PMPCB: variants seen among roughly 807,000 people sequenced by gnomAD.
PMPCB encodes peptidase, mitochondrial processing subunit beta.
PMPCB carries 46 observed loss-of-function variants against 61.5 expected under a neutral mutation model. The observed-to-expected ratio is 0.75, with a 90% CI of 0.59 to 0.96. PMPCB has a LOEUF of 0.96. PMPCB is among the 40% of genes least tolerant of loss of function. The pLI is 0.00. For synonymous variants in PMPCB, 191 were observed against 201.6 expected (o/e 0.95, Z 0.44); for missense variants, 590 against 602.4 (o/e 0.98, Z 0.22).
At chr7:103,303,157 C>T (rs1237336033) in intron 4 of PMPCB, among the ~76,000 whole-genome samples, 1 of 152,180 alleles carries the variant, frequency 6.6e-6, no homozygotes, top group African/African-American at 2.4e-5. Context: ...TTCTCTGTTG[C>T]CCAGGCGAGA....
chr7:103,312,303 G>A lies in PMPCB; in HGVS notation c.*32G>A. 1 of 1,605,310 alleles carries A rather than the reference G, an allele frequency of 6.2e-7. No individual in the cohort carries two copies. The highest frequency in any genetic ancestry group is 8.5e-7 in the Non-Finnish European group (1 of 1,179,602). The stretch of plus-strand genomic sequence containing the variant: ...CCTAATCAAGATTGTTTGAACACAT[G>A]TATTTATAAAACAGAGCTAGAGAAA... On this transcript the variant is annotated 3_prime_UTR_variant, in exon 13 of 13. Coordinates refer to ENST00000249269, the MANE Select transcript of PMPCB (RefSeq NM_004279.3).
the PMPCB span, chr7:103,344,205 T>A: frequency 3.4e-6 from 1 of 295,850 alleles, no homozygotes; most frequent in African/African-American, 2.2e-5. Flanking sequence ...CCCAGGCACG[T>A]GGGGTGCTCG....
chr7:103,324,625 CAATT>C (rs1487210909), intron 12 of PMPCB: 1 of 1,263,588 alleles, frequency 7.9e-7, no homozygotes, highest in Non-Finnish European at 1.1e-6. Flanking sequence ...GTTCAACAAA[CAATT>C]TAATTTATTA....
At chr7:103,324,096 G>A (rs1818571999) in intron 12 of PMPCB, among the ~76,000 whole-genome samples, 1 of 152,122 alleles carries the variant, frequency 6.6e-6, no homozygotes, top group African/African-American at 2.4e-5. Flanking sequence ...CTAGACATTT[G>A]ATGAGAAAAT....
At position 103,313,761 on chromosome 7, in the gene PMPCB, T is replaced by C; in HGVS notation, c.*1490T>C. On this transcript the variant is annotated 3_prime_UTR_variant, in exon 13 of 13. Transcript: ENST00000249269. Reference sequence around the variant, plus strand: ...AACCTTGTATATTTCAGAAAACATCTAAGATGTGTGTCAGAAACAAATATG... The same window carrying C: ...AACCTTGTATATTTCAGAAAACATCCAAGATGTGTGTCAGAAACAAATATG... 1.0e-6 allele frequency: 1 copy of C among 985,092 alleles called. No individual in the cohort carries two copies. 61.0% of individuals were successfully genotyped at this position (985,092 alleles called of 1,614,324 possible).
intron 12 of PMPCB, among the ~76,000 whole-genome samples, chr7:103,320,193 A>G (rs1364121048): frequency 2.6e-5 from 4 of 152,006 alleles, no homozygotes; most frequent in South Asian, 2.1e-4. Context: ...GGTTCAAGCT[A>G]TTCTTCTGCC....
the PMPCB span, among the ~76,000 whole-genome samples, chr7:103,338,272 T>C: frequency 6.6e-6 from 1 of 150,662 alleles, no homozygotes; most frequent in East Asian, 2.0e-4. Context: ...CCTGTCTTTT[T>C]TTTTTTTTTT....
intron 12 of PMPCB, chr7:103,324,466 C>G: frequency 1.4e-6 from 2 of 1,466,072 alleles, no homozygotes; most frequent in South Asian, 1.3e-5. Flanking sequence ...ATCATACAAA[C>G]AGTATATTCA....
At chr7:103,297,933 G>A in intron 1 of PMPCB, 2 of 1,259,842 alleles carry the variant, frequency 1.6e-6, no homozygotes, top group Non-Finnish European at 2.0e-6. Flanking sequence ...TGGGCTTCCC[G>A]CGAACCTGGA....
At position 103,312,317 on chromosome 7, in the gene PMPCB, G is replaced by A. The variant is rs773578676; in HGVS notation, c.*46G>A. On this transcript the variant is annotated 3_prime_UTR_variant, in exon 13 of 13. Transcript: ENST00000249269. ...TTTGAACACATGTATTTATAAAACA[G>A]AGCTAGAGAAAAATAAAAATGAACA... 1.9e-6 allele frequency: 3 copies of A among 1,599,744 alleles called. No individual in the cohort carries two copies. The highest frequency in any genetic ancestry group is 3.4e-5 in the Admixed American group (2 of 59,108).
At chr7:103,297,828 A>G (rs1341907645) in intron 1 of PMPCB, 2 of 1,513,396 alleles carry the variant, frequency 1.3e-6, no homozygotes, top group East Asian at 2.6e-5. Flanking sequence ...TTGACCACTA[A>G]AAACGTAGTG....
chr7:103,342,148 A>T, the PMPCB span, among the ~76,000 whole-genome samples: 1 of 152,224 alleles, frequency 6.6e-6, no homozygotes, highest in Non-Finnish European at 1.5e-5. Flanking sequence ...TCCTAGTATT[A>T]AAGAGTATTT....
At chr7:103,326,713 A>C in intron 12 of PMPCB, 3 of 1,574,072 alleles carry the variant, frequency 1.9e-6, no homozygotes, top group Non-Finnish European at 2.6e-6. Context: ...AGATCACATC[A>C]CCATAACTTT....
At chr7:103,319,584 T>C (rs1230672632), downstream of PMPCB, 4 of 1,609,468 alleles carry the variant, frequency 2.5e-6, no homozygotes, top group Admixed American at 6.7e-5. Context: ...TACATATAGG[T>C]AGGAGTGATG....
At chr7:103,302,538 T>A (rs1817477943) in intron 4 of PMPCB, among the ~76,000 whole-genome samples, 1 of 152,238 alleles carries the variant, frequency 6.6e-6, no homozygotes. Flanking sequence ...TCACCCATTT[T>A]ACTGGACTCT....
At chr7:103,302,426 C>T (rs1249257357) in intron 4 of PMPCB, among the ~76,000 whole-genome samples, 1 of 152,146 alleles carries the variant, frequency 6.6e-6, no homozygotes, top group Admixed American at 6.5e-5. Flanking sequence ...TAGGAGCCCC[C>T]CTCCCTGCCT....
chr7:103,327,082 C>G (rs994081756), intron 12 of PMPCB, among the ~76,000 whole-genome samples: 1 of 152,060 alleles, frequency 6.6e-6, no homozygotes, highest in African/African-American at 2.4e-5. Flanking sequence ...TACAACTGTT[C>G]AAAAATTAGC....
At chr7:103,334,982 C>T in the PMPCB span, among the ~76,000 whole-genome samples, 4 of 152,132 alleles carry the variant, frequency 2.6e-5, no homozygotes, top group Admixed American at 2.0e-4. Context: ...TACAGGCATG[C>T]GTCTCCATGC....
intron 6 of PMPCB, among the ~76,000 whole-genome samples, chr7:103,306,750 A>T (rs1008485616): frequency 4.6e-5 from 7 of 151,838 alleles, no homozygotes; most frequent in African/African-American, 7.3e-5. Context: ...GCTTTCTTTT[A>T]TTTATTTAAT....
Sources: allele counts gnomAD v4.1 joint callset (sites outside exome capture counted in the v4.1 genomes callset), GRCh38; gene constraint gnomAD v4.1.1; transcripts MANE v1.5; gene names NCBI Gene and HGNC (gene_info 2026-07-23, HGNC 2026-07-21).